DNAH5: variants seen among roughly 807,000 people sequenced by gnomAD.
The protein encoded by DNAH5 is dynein axonemal heavy chain 5.
In DNAH5, 372 loss-of-function variants were observed where a neutral mutation model predicts 518.2. That is an observed-to-expected ratio of 0.72 (90% CI 0.66 to 0.78). The LOEUF (loss-of-function observed/expected upper bound fraction) is 0.78, where lower values mean the gene tolerates loss of function less well. DNAH5 is among the 30% of genes least tolerant of loss of function. The probability of loss-of-function intolerance (pLI) is 0.00; values close to 1 mark genes in which losing one functional copy is unlikely to be tolerated. For missense variants in DNAH5, 5,523 were observed against 5,687.0 expected (o/e 0.97, Z 0.93); for synonymous variants, 2,039 against 2,025.9 (o/e 1.01, Z -0.17).
At chr5:13,740,081 G>A (rs958704600) in intron 65 of DNAH5, among the ~76,000 whole-genome samples, 3 of 151,908 alleles carry the variant, frequency 2.0e-5, no homozygotes, top group African/African-American at 7.3e-5. Context: ...TAGATGCTCT[G>A]GCCAAAACCT....
intron 58 of DNAH5, among the ~76,000 whole-genome samples, chr5:13,768,156 T>C (rs1488737833): frequency 6.6e-6 from 1 of 152,186 alleles, no homozygotes; most frequent in Non-Finnish European, 1.5e-5. Context: ...CACCCAAATC[T>C]CATCGCAAAC....
At chr5:13,725,528 T>C (rs766751178) in intron 70 of DNAH5, among the ~76,000 whole-genome samples, 1 of 152,240 alleles carries the variant, frequency 6.6e-6, no homozygotes, top group African/African-American at 2.4e-5. Context: ...TGCATTTTCA[T>C]ACACTGCTCT....
chr5:13,753,876 T>C (rs1033780746), intron 62 of DNAH5, among the ~76,000 whole-genome samples: 1 of 152,152 alleles, frequency 6.6e-6, no homozygotes, highest in African/African-American at 2.4e-5. Flanking sequence ...CCTTCATCAA[T>C]ATACCCATGC....
At chr5:13,880,652 G>A (rs1050730033) in intron 21 of DNAH5, among the ~76,000 whole-genome samples, 1 of 151,800 alleles carries the variant, frequency 6.6e-6, no homozygotes, top group Non-Finnish European at 1.5e-5. Context: ...GATGTTTTAT[G>A]TAAGCCTCAG....
chr5:13,726,040 T>C (rs1183852256), intron 70 of DNAH5, among the ~76,000 whole-genome samples: 3 of 152,192 alleles, frequency 2.0e-5, no homozygotes, highest in Non-Finnish European at 2.9e-5. Context: ...TGCACAGATG[T>C]GGACAGTCAC....
Position 13,762,663 on chromosome 5 carries a change from C to CGG in DNAH5, c.10281+57_10281+58dup, listed in dbSNP as rs1325959742. 6.7e-6 allele frequency: 10 copies of CGG among 1,487,868 alleles called. No individual in the cohort carries two copies. The South Asian group carries it at 7.9e-5, about 12-fold the overall frequency. The allele number at this position is 1,487,868 out of a possible 1,614,324, so 92.2% of individuals were successfully genotyped here. On this transcript the variant is annotated intron_variant, in intron 60 of 78. Transcript: ENST00000265104. ...CACATGTGCTCCTGTAAAGATAAGA[C>CGG]GGGTCGACCTGGAGACTCCGCCCAG... is the stretch of plus-strand genomic sequence containing the variant.
In DNAH5 at chr5:13,980,599, C is replaced by T. The variant is rs190397798; in HGVS notation, c.12+31049G>A. 6.2e-4 allele frequency among the ~76,000 whole-genome samples: 95 copies of T among 152,286 alleles called. 1 individual carries two copies. The highest frequency in any genetic ancestry group is 2.2e-3 in the African/African-American group (91 of 41,562). On this transcript the variant is annotated intron_variant, in intron 1 of 78. Transcript: ENST00000681290. Reference sequence around the variant, plus strand: ...GCTGCAAAATATAGCCCAAATCTGACCACCTCCTAGCTCATCCACCACTAC... The same window carrying T: ...GCTGCAAAATATAGCCCAAATCTGATCACCTCCTAGCTCATCCACCACTAC...
intron 52 of DNAH5, among the ~76,000 whole-genome samples, chr5:13,782,976 A>C (rs1481042777): frequency 6.6e-6 from 1 of 152,192 alleles, no homozygotes; most frequent in African/African-American, 2.4e-5. Flanking sequence ...ACGCTGGAAC[A>C]GGGGACAGAG....
chr5:13,690,851 T>A lies in DNAH5; in HGVS notation c.*1133A>T, dbSNP rs904640877. ...CCGTCTAATATTTCTACCCTTTTTT[T>A]ATTTTTTCTCCTGATCATCACATTT... On this transcript the variant is annotated 3_prime_UTR_variant, in exon 79 of 79. Transcript: ENST00000265104. 15 of 152,250 alleles carry A rather than the reference T, an allele frequency of 9.9e-5. No individual in the cohort carries two copies. The highest frequency in any genetic ancestry group is 2.4e-4 in the African/African-American group (10 of 41,474). 9.4% of individuals were successfully genotyped at this position (152,250 alleles called of 1,614,324 possible). A position where few individuals can be genotyped will look rare whatever the true frequency, so the allele number is the denominator to read the frequency against.
rs926390316 is a variant in DNAH5, at chr5:13,845,049, G to A, written c.5115-56C>T. On this transcript the variant is annotated intron_variant, in intron 31 of 78. Transcript: ENST00000265104. The stretch of plus-strand genomic sequence containing the variant: ...TAACCACACAAAGCTGGTCGTTCAA[G>A]GAATAAATTAACCTGGATGGGAAAA... 1.3e-4 allele frequency: 200 copies of A among 1,552,444 alleles called. 1 individual carries two copies. The South Asian group carries it at 1.6e-3, about 12-fold the overall frequency.
chr5:13,938,382 T>C (rs1779146692), intron 1 of DNAH5, among the ~76,000 whole-genome samples: 1 of 152,154 alleles, frequency 6.6e-6, no homozygotes, highest in Non-Finnish European at 1.5e-5. Context: ...GTAGATACAG[T>C]ACAATAAGAT....
rs1224429992 is a variant in DNAH5 at position 13,876,759 on chromosome 5, A to G, written c.3321T>C (p.Tyr1107=). The stretch of plus-strand genomic sequence containing the variant: ...TCTCTTTGTTTTCAGAAACATTCTT[A>G]TAATAGTTCTTGGTTTGCACGGGAA... ...LPIPVQTKNY[Y]KNVSENKEIV... The change falls in exon 22 of 79, where the codon TAT becomes TAC. Residue 1107 remains tyrosine (Y), a synonymous_variant. Coordinates refer to ENST00000265104, the MANE Select transcript of DNAH5 (RefSeq NM_001369.3). 31 of 1,613,754 alleles carry G rather than the reference A, an allele frequency of 1.9e-5. No homozygotes were observed. The highest frequency in any genetic ancestry group is 2.5e-5 in the Non-Finnish European group (30 of 1,179,812).
chr5:13,874,429 C>T (rs1195764699), intron 22 of DNAH5, among the ~76,000 whole-genome samples: 6 of 152,058 alleles, frequency 3.9e-5, no homozygotes, highest in Non-Finnish European at 8.8e-5. Flanking sequence ...GGAAAATGAC[C>T]TCAGTAGGAA....
chr5:13,850,945 T>C (rs1183917212), intron 30 of DNAH5, 130 bp from the exon 31 acceptor site: 6 of 874,926 alleles, frequency 6.9e-6, no homozygotes, highest in Non-Finnish European at 1.2e-5. Flanking sequence ...ATATGCCTAA[T>C]GTCACACACA....
intron 21 of DNAH5, among the ~76,000 whole-genome samples, chr5:13,881,434 C>A (rs2151936345): frequency 6.6e-6 from 1 of 151,948 alleles, no homozygotes; most frequent in East Asian, 1.9e-4. Flanking sequence ...CAAATTACAA[C>A]AAATTTGATC....
At chr5:13,809,287 T>TC (rs762812983) in intron 45 of DNAH5, 101 bp from the exon 46 acceptor site, 29 of 1,378,096 alleles carry the variant, frequency 2.1e-5, no homozygotes, top group Non-Finnish European at 2.9e-5. Context: ...CCTTCCAAAT[T>TC]CTCCCCATAA....
intron 22 of DNAH5, among the ~76,000 whole-genome samples, chr5:13,873,687 G>A (rs1770466120): frequency 6.6e-6 from 1 of 150,578 alleles, no homozygotes. Context: ...TTTTTGTAGA[G>A]ACGAGATCTC....
chr5:13,851,485 T>C (rs1025942370), intron 30 of DNAH5, among the ~76,000 whole-genome samples: 2 of 152,040 alleles, frequency 1.3e-5, no homozygotes, highest in African/African-American at 4.8e-5. Context: ...ATTTTTTTTA[T>C]TTTTTGTAGA....
At chr5:13,801,476 C>T (rs762024558) in intron 47 of DNAH5, among the ~76,000 whole-genome samples, 5 of 152,170 alleles carry the variant, frequency 3.3e-5, no homozygotes, top group Non-Finnish European at 2.9e-5. Context: ...CTAACATAAA[C>T]CCCTACTCAA....
Sources: allele counts gnomAD v4.1 joint callset (sites outside exome capture counted in the v4.1 genomes callset), GRCh38; gene constraint gnomAD v4.1.1; transcripts MANE v1.5; gene names NCBI Gene and HGNC (gene_info 2026-07-23, HGNC 2026-07-21).